Variants in MPHOSPH8 observed in about 807,000 individuals in gnomAD.
MPHOSPH8 encodes M-phase phosphoprotein, mpp.
In MPHOSPH8, 45 loss-of-function variants were observed where a neutral mutation model predicts 87.3. The observed-to-expected ratio is 0.52, with a 90% CI of 0.41 to 0.66. MPHOSPH8 has a LOEUF of 0.66. MPHOSPH8 is among the 30% of genes least tolerant of loss of function. MPHOSPH8 has a pLI of 0.00. For synonymous variants in MPHOSPH8, 366 were observed against 376.9 expected (o/e 0.97, Z 0.33); for missense variants, 883 against 1,020.2 (o/e 0.87, Z 1.83).
chr13:19,643,386 T>A (rs976698190), intron 2 of MPHOSPH8, among the ~76,000 whole-genome samples: 2 of 152,010 alleles, frequency 1.3e-5, no homozygotes, highest in Admixed American at 1.3e-4. Context: ...GCTAGGACTA[T>A]AGATACACGC....
At chr13:19,671,530 T>C (rs780117872) in intron 13 of MPHOSPH8, among the ~76,000 whole-genome samples, 4 of 152,214 alleles carry the variant, frequency 2.6e-5, no homozygotes, top group Admixed American at 6.5e-5. Flanking sequence ...TGGAGCCATC[T>C]GAATCATGAT....
At chr13:19,669,523 T>TC (rs1297017228) in intron 11 of MPHOSPH8, among the ~76,000 whole-genome samples, 2 of 149,424 alleles carry the variant, frequency 1.3e-5, no homozygotes, top group Non-Finnish European at 3.0e-5. Flanking sequence ...CTTTTTTTTT[T>TC]TTTTTTCAGG....
At chr13:19,639,871 G>A (rs1034702404) in intron 1 of MPHOSPH8, among the ~76,000 whole-genome samples, 2 of 151,164 alleles carry the variant, frequency 1.3e-5, no homozygotes, top group Non-Finnish European at 2.9e-5. Flanking sequence ...TTGGGAGGCC[G>A]AGGCGGACAG....
At chr13:19,655,732 A>G (rs1465419969) in intron 5 of MPHOSPH8, among the ~76,000 whole-genome samples, 2 of 152,192 alleles carry the variant, frequency 1.3e-5, no homozygotes, top group African/African-American at 2.4e-5. Flanking sequence ...CCTTCTGTCA[A>G]CACTTTTATT....
intron 2 of MPHOSPH8, among the ~76,000 whole-genome samples, 182 bp downstream of exon 2, chr13:19,642,452 T>C (rs1874348243): frequency 6.6e-6 from 1 of 152,226 alleles, no homozygotes. Flanking sequence ...CTTCTTTCTG[T>C]ACCCAACCTA....
chr13:19,667,103 A>G (rs982415197), intron 10 of MPHOSPH8, among the ~76,000 whole-genome samples: 1 of 152,294 alleles, frequency 6.6e-6, no homozygotes, highest in East Asian at 1.9e-4. Flanking sequence ...CGGAGGTTGC[A>G]GTGACCTGAG....
intron 7 of MPHOSPH8, chr13:19,661,011 T>C: frequency 1.1e-5 from 11 of 956,996 alleles, no homozygotes; most frequent in Non-Finnish European, 1.4e-5. Flanking sequence ...TGTAATCCCA[T>C]CTACTTGAGG....
At chr13:19,645,500 C>T (rs1400772383) in intron 2 of MPHOSPH8, among the ~76,000 whole-genome samples, 1 of 152,044 alleles carries the variant, frequency 6.6e-6, no homozygotes, top group Non-Finnish European at 1.5e-5. Flanking sequence ...GGCCAGGCGC[C>T]GTGGCTCACC....
intron 5 of MPHOSPH8, among the ~76,000 whole-genome samples, chr13:19,657,598 A>G (rs1311354599): frequency 6.6e-6 from 1 of 152,006 alleles, no homozygotes; most frequent in Admixed American, 6.6e-5. Flanking sequence ...CAAGCATATC[A>G]GGTCCAGAGG....
At chr13:19,641,144 T>G (rs1311338134) in intron 1 of MPHOSPH8, among the ~76,000 whole-genome samples, 3 of 152,144 alleles carry the variant, frequency 2.0e-5, no homozygotes, top group African/African-American at 7.2e-5. Context: ...TATACTGTTT[T>G]TTCTTTTCAT....
In MPHOSPH8 at chr13:19,651,351, A is replaced by G. The variant is rs868264843; in HGVS notation, c.1576+1091A>G. Among the ~76,000 whole-genome samples the G allele has an allele frequency of 1.7e-4, 26 of 151,930 alleles. 1 individual carries two copies. The highest frequency in any genetic ancestry group is 6.0e-4 in the African/African-American group (25 of 41,360). On this transcript the variant is annotated intron_variant, in intron 5 of 13. Transcript: ENST00000361479. ...AGACCAGCCTGGGCGACACAGTGAA[A>G]CCCCATCTCTACTAAAATACAAAAA...
rs771489372 is a variant in MPHOSPH8, at chr13:19,670,341, A to C, written c.2435A>C (p.Lys812Thr). The stretch of plus-strand genomic sequence containing the variant: ...GTACAAGCTGTAGTTCTGAATGATA[A>C]ATTTCAGCTTCCTGTTTTTCTGGTA... ...CSVQAVVLND[K>T]FQLPVFLDSH... Residue 812 changes from lysine (K) to threonine (T), a missense_variant, in exon 12 of 14, where the codon AAA (lysine) becomes ACA (threonine). Lys to Thr is a moderately conservative substitution (Grantham distance 78). Around this residue, in one of 3 missense-constraint regions of MPHOSPH8, gnomAD observed 741 missense variants for 841.5 expected, o/e 0.88. Transcript: ENST00000361479. 11 of 1,613,954 alleles carry C rather than the reference A, an allele frequency of 6.8e-6. No individual in the cohort carries two copies. The highest frequency in any genetic ancestry group is 1.6e-4 in the Middle Eastern group (1 of 6,082).
intron 7 of MPHOSPH8, 55 bp downstream of exon 7, chr13:19,659,344 G>T (rs1246577417): frequency 1.2e-5 from 16 of 1,348,686 alleles, no homozygotes; most frequent in African/African-American, 1.5e-5. Context: ...ACACTTGAAA[G>T]AATTCAGTTT....
At chr13:19,642,557 G>A (rs1483712751) in intron 2 of MPHOSPH8, among the ~76,000 whole-genome samples, 2 of 152,054 alleles carry the variant, frequency 1.3e-5, no homozygotes, top group African/African-American at 4.8e-5. Context: ...AAAGAGACAT[G>A]CCAAACTATC....
Position 19,659,054 on chromosome 13 carries a change from G to A in MPHOSPH8, c.1636G>A (p.Glu546Lys). The A allele has an allele frequency of 6.2e-7, 1 of 1,614,214 alleles. No individual in the cohort carries two copies. Among genetic ancestry groups the A allele is most frequent in the Non-Finnish European group, 8.5e-7 (1 of 1,180,038 alleles). ...CCTGCAGTTGGAATGGATGAAGTTG[G>A]AAGATTTCCAAAAGCACCTTGATGG... is the stretch of plus-strand genomic sequence containing the variant. ...MDLQLEWMKLEDFQKHLDGKD... is the reference protein window; with the variant it reads ...MDLQLEWMKLKDFQKHLDGKD... The change falls in exon 6 of 14, where the codon GAA becomes AAA. Residue 546 changes from glutamate to lysine, a missense_variant. Glu to Lys is a moderately conservative substitution (Grantham distance 56). This residue lies in a region of MPHOSPH8 where 741 missense variants were observed against 841.5 expected (regional missense o/e 0.88). Coordinates refer to ENST00000361479, the MANE Select transcript of MPHOSPH8 (RefSeq NM_017520.4).
intron 1 of MPHOSPH8, among the ~76,000 whole-genome samples, chr13:19,637,619 C>T (rs1348457144): frequency 6.6e-6 from 1 of 152,138 alleles, no homozygotes; most frequent in African/African-American, 2.4e-5. Flanking sequence ...GCCACCGCTC[C>T]TGGCTCTGAT....
chr13:19,652,627 G>T (rs555511250), intron 5 of MPHOSPH8, among the ~76,000 whole-genome samples: 13 of 152,250 alleles, frequency 8.5e-5, no homozygotes, highest in African/African-American at 3.1e-4. Context: ...GGAGCCAAGT[G>T]GTCTGGCTTG....
Position 19,673,087 on chromosome 13 carries a change from GGTTT to G in MPHOSPH8, c.*1213_*1216del, listed in dbSNP as rs758277337. Reference sequence around the variant, plus strand: ...AAAAAAAGTTTCTTGGAACCTATACGGTTTTTTTTTGTTTTTTTTTTTTGAAAAG... The same window carrying G: ...AAAAAAAGTTTCTTGGAACCTATACGTTTTTTGTTTTTTTTTTTTGAAAAG... On this transcript the variant is annotated 3_prime_UTR_variant, in exon 14 of 14. Transcript: ENST00000361479. 81 of 52,588 alleles carry G rather than the reference GGTTT, an allele frequency of 1.5e-3. 1 individual carries two copies. The highest frequency in any genetic ancestry group is 5.6e-4 in the Admixed American group (2 of 3,550). 3.3% of individuals were successfully genotyped at this position (52,588 alleles called of 1,614,324 possible).
chr13:19,660,106 G>A (rs1004720441), intron 7 of MPHOSPH8, among the ~76,000 whole-genome samples: 11 of 151,162 alleles, frequency 7.3e-5, no homozygotes, highest in African/African-American at 2.4e-4. Context: ...GACTACAGTT[G>A]CCTGCCACCT....
Sources: allele counts gnomAD v4.1 joint callset (sites outside exome capture counted in the v4.1 genomes callset), GRCh38; gene constraint gnomAD v4.1.1; regional missense constraint gnomAD v4.1.1; transcripts MANE v1.5; gene names NCBI Gene and HGNC (gene_info 2026-07-23, HGNC 2026-07-21).